The following ERICH1 variants were observed in gnomAD, a reference collection of about 807,000 sequenced individuals.
ERICH1 encodes the protein glutamate rich 1.
ERICH1 carries 56 observed loss-of-function variants against 39.6 expected under a neutral mutation model. The ratio of observed to expected loss-of-function variants is 1.41; its 90% CI spans 1.14 to 1.77. The LOEUF (loss-of-function observed/expected upper bound fraction) is 1.77. Among genes scored for constraint, ERICH1 ranks in the 40% most tolerant of loss-of-function variants. The probability of loss-of-function intolerance (pLI) is 0.00; values close to 1 mark genes in which losing one functional copy is unlikely to be tolerated. For missense variants in ERICH1, 826 were observed against 575.4 expected (o/e 1.44, Z -4.45); for synonymous variants, 313 against 223.6 (o/e 1.40, Z -3.57).
chr8:621,307 T>C (rs898708070), intron 3 of ERICH1, among the ~76,000 whole-genome samples: 7 of 152,108 alleles, frequency 4.6e-5, no homozygotes, highest in African/African-American at 1.7e-4. Context: ...TACATGCTTA[T>C]ATTAAAAAAG....
Position 731,156 on chromosome 8 carries a change from C to A in ERICH1, c.6G>T (p.Ala2=), listed in dbSNP as rs775719096. 2.6e-6 allele frequency: 4 copies of A among 1,515,334 alleles called. No individual in the cohort carries two copies. The highest frequency in any genetic ancestry group is 2.7e-5 in the East Asian group (1 of 36,854). 93.9% of individuals were successfully genotyped at this position (1,515,334 alleles called of 1,614,324 possible). The change falls in exon 1 of 6, where the codon GCG becomes GCT. Residue 2 remains alanine (A), a synonymous_variant. Coordinates refer to ENST00000262109, the MANE Select transcript of ERICH1 (RefSeq NM_207332.3). ...CCCACCTACCGTGCTTCCTGTGCGCCGCCATGCGGGACCCTGCCGCGGACC... is the reference window on the plus strand; with the variant it reads ...CCCACCTACCGTGCTTCCTGTGCGCAGCCATGCGGGACCCTGCCGCGGACC... M[A]AHRKHVFVEK...
At chr8:651,618 C>CAG (rs1285981771) in intron 3 of ERICH1, among the ~76,000 whole-genome samples, 5 of 150,620 alleles carry the variant, frequency 3.3e-5, no homozygotes, top group Non-Finnish European at 7.4e-5. Context: ...ACAGGTAAGC[C>CAG]AGAGAGAGAG....
At position 673,819 on chromosome 8, in the gene ERICH1, C is replaced by T. The variant is rs1305120972; in HGVS notation, c.533G>A (p.Gly178Asp). Reference sequence around the variant, plus strand: ...GACACCAGCAGCCTTTGCTGCCAAGCCGGCTGCTTTCTTCCTTTTAATTTG... The same window carrying T: ...GACACCAGCAGCCTTTGCTGCCAAGTCGGCTGCTTTCTTCCTTTTAATTTG... ...KQQIKRKKAA[G>D]LAAKAAGVSF... Residue 178 changes from glycine to aspartate, a missense_variant, in exon 4 of 6, where the codon GGC (glycine) becomes GAC (aspartate). Gly to Asp is a moderately conservative substitution (Grantham distance 94). Coordinates refer to ENST00000262109, the MANE Select transcript of ERICH1 (RefSeq NM_207332.3). The T allele has an allele frequency of 6.2e-7, 1 of 1,614,026 alleles. No individual in the cohort carries two copies. Among genetic ancestry groups the T allele is most frequent in the Non-Finnish European group, 8.5e-7 (1 of 1,180,038 alleles).
intron 3 of ERICH1, among the ~76,000 whole-genome samples, chr8:630,285 C>T (rs1378810200): frequency 8.7e-6 from 1 of 115,158 alleles, no homozygotes; most frequent in Non-Finnish European, 1.8e-5. Flanking sequence ...GCAGAGGTGA[C>T]TCACACCCTC....
intron 3 of ERICH1, among the ~76,000 whole-genome samples, chr8:688,250 C>T (rs1490500098): frequency 6.6e-6 from 1 of 151,616 alleles, no homozygotes; most frequent in African/African-American, 2.4e-5. Context: ...AAAGGTAAAG[C>T]GGCACCCCGC....
At chr8:674,174 G>A (rs547870877) in intron 3 of ERICH1, 127 bp from the exon 4 acceptor site, 29 of 1,108,436 alleles carry the variant, frequency 2.6e-5, no homozygotes, top group East Asian at 7.6e-5. Flanking sequence ...TATTTACTTC[G>A]GTGATTCTCA....
At chr8:682,621 G>A (rs141491182) in intron 3 of ERICH1, among the ~76,000 whole-genome samples, 1,797 of 152,288 alleles carry the variant, frequency 0.012, 20 homozygotes, top group Middle Eastern at 0.024. Flanking sequence ...GGAGCAGTGC[G>A]CTTTGAAAAG....
At chr8:696,867 C>T (rs1341282320) in intron 2 of ERICH1, among the ~76,000 whole-genome samples, 1 of 142,194 alleles carries the variant, frequency 7.0e-6, no homozygotes, top group Non-Finnish European at 1.5e-5. Context: ...CTCCTTCCTC[C>T]CCATCAGCCT....
chr8:655,675 CCTTCCTTCCTTCCT>C (rs1800556431), intron 3 of ERICH1, among the ~76,000 whole-genome samples: 4 of 138,014 alleles, frequency 2.9e-5, no homozygotes, highest in African/African-American at 1.1e-4. Flanking sequence ...TTCCTTCCTT[CCTTCCTTCCTTCCT>C]TCCTTCCTTC....
At chr8:644,548 A>C (rs1799377252) in intron 3 of ERICH1, among the ~76,000 whole-genome samples, 1 of 68,454 alleles carries the variant, frequency 1.5e-5, no homozygotes, top group Non-Finnish European at 4.6e-5. Context: ...TTTTGTTTCT[A>C]ATGAGAACGT....
intron 4 of ERICH1, among the ~76,000 whole-genome samples, chr8:670,462 C>A (rs1803044140): frequency 6.6e-6 from 1 of 152,146 alleles, no homozygotes; most frequent in South Asian, 2.1e-4. Flanking sequence ...TCACCCTTTG[C>A]TCCGCCAGGC....
intron 1 of ERICH1, among the ~76,000 whole-genome samples, chr8:724,819 C>G (rs777460683): frequency 6.6e-6 from 1 of 152,196 alleles, no homozygotes; most frequent in African/African-American, 2.4e-5. Context: ...GCAGGTTACG[C>G]TCACTGAGGA....
At chr8:671,781 G>A (rs563523301) in intron 4 of ERICH1, 1 of 160,166 alleles carries the variant, frequency 6.2e-6, no homozygotes, top group Non-Finnish European at 1.3e-5. Flanking sequence ...TGCCGGCCCC[G>A]GCTCTAATGT....
At chr8:670,248 G>A (rs375944487) in intron 4 of ERICH1, among the ~76,000 whole-genome samples, 5 of 152,138 alleles carry the variant, frequency 3.3e-5, no homozygotes, top group South Asian at 2.1e-4. Flanking sequence ...ATTACCTGGC[G>A]AAATGCTCCA....
chr8:668,405 T>C, intron 5 of ERICH1, 193 bp downstream of exon 5: 2 of 625,246 alleles, frequency 3.2e-6, no homozygotes, highest in Non-Finnish European at 5.6e-6. Context: ...TCTGCATATA[T>C]TATGTGAAAT....
chr8:709,038 G>A (rs1392279264), intron 2 of ERICH1, among the ~76,000 whole-genome samples: 1 of 152,102 alleles, frequency 6.6e-6, no homozygotes, highest in South Asian at 2.1e-4. Context: ...GAATTAGATG[G>A]TGGTAATGGA....
intron 3 of ERICH1, among the ~76,000 whole-genome samples, chr8:688,856 A>C (rs1406048191): frequency 6.6e-6 from 1 of 152,250 alleles, no homozygotes; most frequent in African/African-American, 2.4e-5. Flanking sequence ...GTTCATAAGA[A>C]CAAAATATTT....
intron 1 of ERICH1, among the ~76,000 whole-genome samples, chr8:727,756 G>C (rs1237215466): frequency 6.6e-6 from 1 of 152,212 alleles, no homozygotes; most frequent in African/African-American, 2.4e-5. Flanking sequence ...GGCCGGGCCA[G>C]CAGCATGGTG....
chr8:698,985 G>A (rs927099030), intron 2 of ERICH1, among the ~76,000 whole-genome samples: 4 of 151,198 alleles, frequency 2.6e-5, no homozygotes, highest in Non-Finnish European at 5.9e-5. Context: ...TGCTGTGCGT[G>A]CTCCAAAGTC....
Sources: gnomAD v4.1 joint callset for allele counts (sites outside exome capture counted in the v4.1 genomes callset) on GRCh38, gnomAD v4.1.1 for gene constraint, MANE v1.5 for transcripts, NCBI Gene and HGNC (gene_info 2026-07-23, HGNC 2026-07-21) for gene names.